ATP2B1: variants seen among roughly 807,000 people sequenced by gnomAD.
ATP2B1 encodes the protein plasma membrane calcium-transporting ATPase 1.
ATP2B1 carries 14 observed loss-of-function variants against 124.2 expected under a neutral mutation model. The observed-to-expected ratio is 0.11, with a 90% CI of 0.07 to 0.18. The LOEUF is 0.18. Ranked by LOEUF, ATP2B1 falls within the 10% of genes least tolerant of loss-of-function variation. The pLI is 1.00. For synonymous variants in ATP2B1, 449 were observed against 492.4 expected (o/e 0.91, Z 1.17); for missense variants, 763 against 1,466.1 (o/e 0.52, Z 7.83).
chr12:89,626,910 G>T (rs982008272), intron 7 of ATP2B1, among the ~76,000 whole-genome samples: 1 of 152,022 alleles, frequency 6.6e-6, no homozygotes, highest in Non-Finnish European at 1.5e-5. Context: ...GTTATGTTAG[G>T]TAACATCTAA....
intron 1 of ATP2B1, among the ~76,000 whole-genome samples, chr12:89,703,786 C>T (rs1004227696): frequency 5.3e-5 from 8 of 151,994 alleles, no homozygotes; most frequent in African/African-American, 1.9e-4. Context: ...CAAAAACCAT[C>T]GACATCAACA....
chr12:89,705,122 C>T (rs557996592), intron 1 of ATP2B1, among the ~76,000 whole-genome samples: 8 of 151,934 alleles, frequency 5.3e-5, no homozygotes, highest in Admixed American at 2.6e-4. Flanking sequence ...TTTAACAAGA[C>T]AACAATATAT....
intron 1 of ATP2B1, among the ~76,000 whole-genome samples, chr12:89,682,941 G>A (rs887514963): frequency 6.6e-6 from 1 of 152,048 alleles, no homozygotes; most frequent in Admixed American, 6.6e-5. Context: ...CAGAAAAAGG[G>A]CTACTTTCCC....
At chr12:89,633,778 G>A (rs138723217) in intron 5 of ATP2B1, among the ~76,000 whole-genome samples, 124 of 152,226 alleles carry the variant, frequency 8.1e-4, no homozygotes, top group African/African-American at 2.9e-3. Flanking sequence ...TGTATAAAAT[G>A]TTGGCAATCT....
At position 89,600,550 on chromosome 12, in the gene ATP2B1, C is replaced by A. The variant is rs527423958; in HGVS notation, c.3168+776G>T. On this transcript the variant is annotated intron_variant, in intron 19 of 20. Coordinates refer to ENST00000428670, the MANE Select transcript of ATP2B1 (RefSeq NM_001366521.1). Reference sequence around the variant, plus strand: ...AAATCTAAAACATCATTTTGTGACCCCTTTTTCCAGGTAACATTATTTTTA... The same window carrying A: ...AAATCTAAAACATCATTTTGTGACCACTTTTTCCAGGTAACATTATTTTTA... Among the ~76,000 whole-genome samples the A allele has an allele frequency of 5.9e-5, 9 of 152,132 alleles. No homozygotes were observed. In the East Asian group the frequency reaches 1.7e-3, roughly 29 times the overall value.
chr12:89,643,106 ATATATATACGTATATACACGTATATATG>A (rs1408946021), intron 2 of ATP2B1, among the ~76,000 whole-genome samples: 7 of 150,878 alleles, frequency 4.6e-5, no homozygotes, highest in African/African-American at 1.5e-4. Flanking sequence ...ATACATACGT[ATATATATACGTATATACACGTATATATG>A]TATATACACG....
At chr12:89,681,561 T>G (rs981790104) in intron 1 of ATP2B1, among the ~76,000 whole-genome samples, 5 of 151,944 alleles carry the variant, frequency 3.3e-5, no homozygotes, top group African/African-American at 7.3e-5. Context: ...AAGTTTCTTA[T>G]GAAGCAAATA....
chr12:89,608,360 G>A (rs945401039), intron 15 of ATP2B1, among the ~76,000 whole-genome samples: 1 of 151,868 alleles, frequency 6.6e-6, no homozygotes, highest in African/African-American at 2.4e-5. Context: ...TTTTAAAGTA[G>A]AGATGGGGTT....
chr12:89,672,319 T>G (rs1888095548), intron 1 of ATP2B1, among the ~76,000 whole-genome samples: 1 of 152,016 alleles, frequency 6.6e-6, no homozygotes, highest in African/African-American at 2.4e-5. Context: ...CTGGGCATAG[T>G]GGCGGGTGCC....
intron 1 of ATP2B1, among the ~76,000 whole-genome samples, chr12:89,667,472 A>C (rs1236250066): frequency 6.6e-6 from 1 of 152,142 alleles, no homozygotes; most frequent in African/African-American, 2.4e-5. Flanking sequence ...CTACCACCTT[A>C]ATCAAGTGCC....
In ATP2B1 at chr12:89,603,819, C is replaced by T; in HGVS notation, c.2741G>A (p.Arg914Gln). Residue 914 changes from arginine (R) to glutamine (Q), a missense_variant, in exon 17 of 21, where the codon CGG becomes CAG. Arg to Gln is a conservative substitution (Grantham distance 43, BLOSUM62 1). Coordinates refer to ENST00000428670, the MANE Select transcript of ATP2B1 (RefSeq NM_001366521.1). This position sits in a 1 kb window ranked among gnomAD's most constrained non-coding sequence, Gnocchi z 4.3. ...TEPPTESLLLRKPYGRNKPLI... is the reference protein window; with the variant it reads ...TEPPTESLLLQKPYGRNKPLI... ...AGGCTTATTTCTACCATAAGGTTTC[C>T]GAAGCAAGAGAGACTCAGTGGGTGG... 6.2e-7 allele frequency: 1 copy of T among 1,613,982 alleles called. No individual in the cohort carries two copies. The highest frequency in any genetic ancestry group is 8.5e-7 in the Non-Finnish European group (1 of 1,179,964).
At chr12:89,624,612 A>G (rs553901498) in intron 8 of ATP2B1, among the ~76,000 whole-genome samples, 1 of 152,322 alleles carries the variant, frequency 6.6e-6, no homozygotes, top group South Asian at 2.1e-4. Context: ...AACTGGGAGA[A>G]AAACACTTAG....
chr12:89,699,231 C>T (rs572432904), intron 1 of ATP2B1, among the ~76,000 whole-genome samples: 2 of 152,184 alleles, frequency 1.3e-5, no homozygotes, highest in Non-Finnish European at 2.9e-5. Context: ...GGTTTCTCTT[C>T]TCCCTTGTGG....
At position 89,590,852 on chromosome 12, in the gene ATP2B1, C is replaced by A; in HGVS notation, c.*132G>T. The A allele has an allele frequency of 1.7e-5, 15 of 897,100 alleles. No homozygotes were observed. The highest frequency in any genetic ancestry group is 6.4e-5 in the South Asian group (3 of 47,174). The allele number at this position is 897,100 out of a possible 1,614,324, so 55.6% of individuals were successfully genotyped here. Reference sequence around the variant, plus strand: ...TTTTTTTTTTAAAAAAATAAATCTACATTCGTACAAGTGTGTCTTCTGTTG... The same window carrying A: ...TTTTTTTTTTAAAAAAATAAATCTAAATTCGTACAAGTGTGTCTTCTGTTG... On this transcript the variant is annotated 3_prime_UTR_variant, in exon 21 of 21. Transcript: ENST00000428670.
intron 1 of ATP2B1, among the ~76,000 whole-genome samples, chr12:89,697,957 C>T (rs1159016993): frequency 1.3e-5 from 2 of 152,190 alleles, no homozygotes; most frequent in African/African-American, 4.8e-5. Context: ...CTCACTACCT[C>T]CGCCTCCTGG....
At chr12:89,630,776 T>TATAAATATATATATTATATAAATATATAC (rs2136160912) in intron 5 of ATP2B1, 131 bp from the exon 6 acceptor site, 1 of 251,212 alleles carries the variant, frequency 4.0e-6, no homozygotes, top group African/African-American at 2.3e-5. Context: ...AATATAAATA[T>TATAAATATATATATTATATAAATATATAC]ATAAATATAT....
At position 89,655,940 on chromosome 12, in the gene ATP2B1, C is replaced by T; in HGVS notation, c.-54G>A. ...GTTTCCCAAAAGAATTTAATTTTCACTTGATGTATTTCCAAGATGAAAATC... is the reference window on the plus strand; with the variant it reads ...GTTTCCCAAAAGAATTTAATTTTCATTTGATGTATTTCCAAGATGAAAATC... On this transcript the variant is annotated 5_prime_UTR_variant, in exon 2 of 21. The change creates a new upstream start codon in the 5' untranslated region. Transcript: ENST00000428670. The T allele has an allele frequency of 6.8e-7, 1 of 1,476,818 alleles. No homozygotes were observed. Among genetic ancestry groups the T allele is most frequent in the Non-Finnish European group, 9.1e-7 (1 of 1,098,996 alleles). The allele number at this position is 1,476,818 out of a possible 1,614,324, so 91.5% of individuals were successfully genotyped here. A position where few individuals can be genotyped will look rare whatever the true frequency, so the allele number is the denominator to read the frequency against.
intron 1 of ATP2B1, among the ~76,000 whole-genome samples, chr12:89,688,011 C>T (rs1165430869): frequency 6.6e-6 from 1 of 151,992 alleles, no homozygotes; most frequent in Admixed American, 6.6e-5. Context: ...TGTAAGAACA[C>T]TCTCCTCCAG....
intron 1 of ATP2B1, among the ~76,000 whole-genome samples, chr12:89,692,649 TTA>T: frequency 6.6e-6 from 1 of 152,186 alleles, no homozygotes; most frequent in East Asian, 1.9e-4. Context: ...CTTGCTGTTT[TTA>T]TGATTGTTTT....
Sources: allele counts gnomAD v4.1 joint callset (sites outside exome capture counted in the v4.1 genomes callset), GRCh38; gene constraint gnomAD v4.1.1; non-coding constraint Gnocchi (gnomAD v3.1); transcripts MANE v1.5; gene names NCBI Gene and HGNC (gene_info 2026-07-23, HGNC 2026-07-21).